YIPF7: variants seen among roughly 807,000 people sequenced by gnomAD.
The protein encoded by YIPF7 is Yip1 domain family member 7, also known as protein YIPF7.
Under a neutral mutation model 27.2 loss-of-function variants are expected in YIPF7, and 35 were observed. That is an observed-to-expected ratio of 1.29 (90% CI 0.98 to 1.70). YIPF7 has a LOEUF of 1.70. YIPF7 is among the 40% of genes most tolerant of loss of function. YIPF7 has a pLI of 0.00. For synonymous variants in YIPF7, 137 were observed against 110.4 expected (o/e 1.24, Z -1.51); for missense variants, 358 against 303.7 (o/e 1.18, Z -1.33).
rs186628194 is a variant in YIPF7, at chr4:44,622,373, G to A, written c.*41C>T. 1.8e-5 allele frequency: 28 copies of A among 1,579,380 alleles called. No individual in the cohort carries two copies. The highest frequency in any genetic ancestry group is 1.7e-6 in the Non-Finnish European group (2 of 1,164,018). On this transcript the variant is annotated 3_prime_UTR_variant, in exon 6 of 6. Coordinates refer to ENST00000415895, the MANE Select transcript of YIPF7 (RefSeq NM_182592.3). ...TGTTAATATATTTCCAAAATAATCTGGACAGCAAACAGAGTCTTGAAATGC... is the reference window on the plus strand; with the variant it reads ...TGTTAATATATTTCCAAAATAATCTAGACAGCAAACAGAGTCTTGAAATGC...
At chr4:44,630,261 C>G (rs189495889) in intron 3 of YIPF7, among the ~76,000 whole-genome samples, 1 of 152,298 alleles carries the variant, frequency 6.6e-6, no homozygotes, top group African/African-American at 2.4e-5. Flanking sequence ...AGCCACCACA[C>G]CTGGCCCTTT....
At chr4:44,624,411 T>G (rs1312783161) in intron 5 of YIPF7, among the ~76,000 whole-genome samples, 190 bp downstream of exon 5, 1 of 152,134 alleles carries the variant, frequency 6.6e-6, no homozygotes, top group African/African-American at 2.4e-5. Flanking sequence ...ATTTTTTAAG[T>G]AATTGAAGTA....
chr4:44,652,254 C>T (rs1456152767), upstream of YIPF7, among the ~76,000 whole-genome samples: 1 of 152,120 alleles, frequency 6.6e-6, no homozygotes, highest in Non-Finnish European at 1.5e-5. Flanking sequence ...CCTGAATTGG[C>T]CCTTCTCTGT....
At chr4:44,630,722 C>T (rs1258664030) in intron 3 of YIPF7, among the ~76,000 whole-genome samples, 1 of 152,138 alleles carries the variant, frequency 6.6e-6, no homozygotes, top group East Asian at 1.9e-4. Context: ...GGTCCTTCTG[C>T]TAGAATCTGC....
chr4:44,644,333 C>T (rs1713446541), intron 2 of YIPF7, among the ~76,000 whole-genome samples: 1 of 152,228 alleles, frequency 6.6e-6, no homozygotes, highest in African/African-American at 2.4e-5. Context: ...CTAATGATAG[C>T]GGATGAGCTG....
Position 44,622,303 on chromosome 4 carries a change from C to G in YIPF7, c.*111G>C. The G allele has an allele frequency of 7.6e-7, 1 of 1,314,444 alleles. No individual in the cohort carries two copies. The highest frequency in any genetic ancestry group is 1.0e-6 in the Non-Finnish European group (1 of 966,994). 81.4% of individuals were successfully genotyped at this position (1,314,444 alleles called of 1,614,324 possible). A position where few individuals can be genotyped will look rare whatever the true frequency, so the allele number is the denominator to read the frequency against. On this transcript the variant is annotated 3_prime_UTR_variant, in exon 6 of 6. Transcript: ENST00000415895. ...TGCTGCTTTGTCTCTCTGCTTATTA[C>G]TCTCTCAAAAGCAATAAAACAGAAA...
intron 2 of YIPF7, among the ~76,000 whole-genome samples, chr4:44,658,651 G>A (rs1223163288): frequency 6.6e-6 from 1 of 152,170 alleles, no homozygotes; most frequent in East Asian, 1.9e-4. Context: ...AACAACGGTA[G>A]ACTATTTGTA....
chr4:44,645,855 T>C (rs1271048601), intron 2 of YIPF7, among the ~76,000 whole-genome samples: 4 of 152,060 alleles, frequency 2.6e-5, no homozygotes, highest in South Asian at 2.1e-4. Flanking sequence ...TATACATTCA[T>C]TGAAAAATAG....
At chr4:44,628,795 G>T (rs940724242) in intron 4 of YIPF7, among the ~76,000 whole-genome samples, 6 of 152,084 alleles carry the variant, frequency 3.9e-5, no homozygotes, top group Non-Finnish European at 5.9e-5. Context: ...TATAAAGAAT[G>T]AAAGCATACA....
At chr4:44,638,184 G>C (rs1023519955) in intron 2 of YIPF7, among the ~76,000 whole-genome samples, 1 of 149,506 alleles carries the variant, frequency 6.7e-6, no homozygotes, top group Non-Finnish European at 1.5e-5. Flanking sequence ...ATTGTTTCAG[G>C]GTTTTTTGGC....
upstream of YIPF7, among the ~76,000 whole-genome samples, chr4:44,655,387 C>T (rs928162117): frequency 6.6e-5 from 10 of 151,932 alleles, no homozygotes; most frequent in Non-Finnish European, 1.5e-5. Flanking sequence ...AGCATCAATT[C>T]TCTCACTCGC....
At chr4:44,651,746 A>T, upstream of YIPF7, 1 of 541,096 alleles carries the variant, frequency 1.8e-6, no homozygotes, top group South Asian at 3.6e-5. Flanking sequence ...GTATCTTATA[A>T]CACTTATTAT....
Position 44,624,632 on chromosome 4 carries a change from G to T in YIPF7, c.577C>A (p.Leu193Met). ...LGYCLLPMVI[L>M]SGCAMFFSLQ... is the part of the protein sequence containing the mutation. ...GAAAAGAACATGGCGCAACCAGACA[G>T]GATGACCATGGGGAGCAGGCAGTAA... The change falls in exon 5 of 6, where the codon CTG becomes ATG. Residue 193 changes from leucine to methionine, a missense_variant. Transcript: ENST00000415895. The T allele has an allele frequency of 6.3e-7, 1 of 1,598,558 alleles. No homozygotes were observed. Among genetic ancestry groups the T allele is most frequent in the Non-Finnish European group, 8.5e-7 (1 of 1,173,206 alleles).
At chr4:44,637,524 G>C (rs1432244871) in intron 2 of YIPF7, among the ~76,000 whole-genome samples, 1 of 152,052 alleles carries the variant, frequency 6.6e-6, no homozygotes, top group African/African-American at 2.4e-5. Flanking sequence ...TCATATACTT[G>C]TTGGCCATTC....
intron 3 of YIPF7, among the ~76,000 whole-genome samples, chr4:44,632,516 G>A (rs931572501): frequency 6.6e-6 from 1 of 152,112 alleles, no homozygotes; most frequent in African/African-American, 2.4e-5. Context: ...TTAACAAAGA[G>A]CAAAATTTAT....
intron 4 of YIPF7, among the ~76,000 whole-genome samples, chr4:44,628,556 C>T (rs1712753925): frequency 1.3e-5 from 2 of 152,048 alleles, no homozygotes; most frequent in Admixed American, 1.3e-4. Context: ...CTTAATGAAA[C>T]TATACTTTTC....
chr4:44,632,065 A>G (rs888909984), intron 3 of YIPF7, among the ~76,000 whole-genome samples: 1 of 152,150 alleles, frequency 6.6e-6, no homozygotes, highest in East Asian at 1.9e-4. Flanking sequence ...ACGTCAAACC[A>G]TGAGGCAGTA....
intron 2 of YIPF7, among the ~76,000 whole-genome samples, chr4:44,643,663 A>G (rs1025918657): frequency 6.6e-6 from 1 of 152,202 alleles, no homozygotes; most frequent in Non-Finnish European, 1.5e-5. Context: ...GGCCAGGCCC[A>G]GGACCCCTCT....
chr4:44,661,956 T>A (rs1294619389), intron 1 of YIPF7, among the ~76,000 whole-genome samples: 1 of 152,212 alleles, frequency 6.6e-6, no homozygotes, highest in Non-Finnish European at 1.5e-5. Flanking sequence ...CCTACAGAGG[T>A]ACTGTCAGCC....
Sources: gnomAD v4.1 joint callset for allele counts (sites outside exome capture counted in the v4.1 genomes callset) on GRCh38, gnomAD v4.1.1 for gene constraint, MANE v1.5 for transcripts, NCBI Gene and HGNC (gene_info 2026-07-23, HGNC 2026-07-21) for gene names.